CHEK1: variants seen among roughly 807,000 people sequenced by gnomAD.
CHEK1 encodes checkpoint kinase 1.
Under a neutral mutation model 60.2 loss-of-function variants are expected in CHEK1, and 32 were observed. That is an observed-to-expected ratio of 0.53 (90% confidence interval 0.40 to 0.71). CHEK1 has a LOEUF of 0.71. Ranked by LOEUF, CHEK1 falls within the 30% of genes least tolerant of loss-of-function variation. The pLI is 0.00. For synonymous variants in CHEK1, 179 were observed against 187.2 expected (o/e 0.96, Z 0.36); for missense variants, 399 against 564.6 (o/e 0.71, Z 2.97).
downstream of CHEK1, among the ~76,000 whole-genome samples, chr11:125,661,195 T>C (rs1298027617): frequency 6.6e-6 from 1 of 152,244 alleles, no homozygotes; most frequent in South Asian, 2.1e-4. Context: ...TTGATTCCAT[T>C]TGCTTTCACT....
At chr11:125,674,390 A>C (rs1303815939) in intron 13 of CHEK1, among the ~76,000 whole-genome samples, 2 of 152,236 alleles carry the variant, frequency 1.3e-5, no homozygotes, top group Non-Finnish European at 2.9e-5. Context: ...AAGAATTGTT[A>C]GCATTTCGAT....
chr11:125,659,149 T>G (rs899363032), downstream of CHEK1, among the ~76,000 whole-genome samples: 3 of 152,234 alleles, frequency 2.0e-5, no homozygotes, highest in African/African-American at 4.8e-5. Context: ...TTCATTGATA[T>G]CCAATCAAGT....
chr11:125,635,360 A>G, intron 6 of CHEK1, 69 bp from the exon 7 acceptor site: 1 of 967,236 alleles, frequency 1.0e-6, no homozygotes, highest in East Asian at 2.8e-5. Context: ...ATGGATTTAT[A>G]TTATTATTTT....
In CHEK1 at chr11:125,633,275, G is replaced by A. The variant is rs2135990110; in HGVS notation, c.537G>A (p.Leu179=). 1 of 1,607,272 alleles carries A rather than the reference G, an allele frequency of 6.2e-7. No individual in the cohort carries two copies. Among genetic ancestry groups the A allele is most frequent in the Non-Finnish European group, 8.5e-7 (1 of 1,178,120 alleles). ...GTLPYVAPEL[L]KRREFHAEPV... ...TACCATATGTTGCTCCAGAACTTCT[G>A]AAGAGAAGAGAATTTCATGCAGAAC... Residue 179 remains leucine, a synonymous_variant, in exon 6 of 13, where the codon CTG becomes CTA. Coordinates refer to ENST00000438015, the MANE Select transcript of CHEK1 (RefSeq NM_001114122.3).
intron 1 of CHEK1, chr11:125,626,223 C>A (rs775591949): frequency 1.6e-4 from 95 of 580,874 alleles, no homozygotes; most frequent in Non-Finnish European, 2.7e-4. Context: ...TAACCCGCTG[C>A]TAGCTAAGAA....
At chr11:125,632,604 A>G (rs899402762) in intron 5 of CHEK1, among the ~76,000 whole-genome samples, 2 of 152,180 alleles carry the variant, frequency 1.3e-5, no homozygotes, top group African/African-American at 4.8e-5. Context: ...ATGGGAAGTT[A>G]GGGTGGAAGT....
intron 2 of CHEK1, among the ~76,000 whole-genome samples, chr11:125,627,298 G>T (rs1288946370): frequency 1.3e-5 from 2 of 152,178 alleles, no homozygotes; most frequent in African/African-American, 2.4e-5. Context: ...TGGGATTAAT[G>T]CTCTTAAAAG....
At chr11:125,672,719 T>C (rs1942261367) in intron 13 of CHEK1, 1 of 1,614,024 alleles carries the variant, frequency 6.2e-7, no homozygotes, top group Non-Finnish European at 8.5e-7. Flanking sequence ...GTTTTCCACC[T>C]GAAAGGAGCA....
intron 8 of CHEK1, among the ~76,000 whole-genome samples, chr11:125,638,506 A>T (rs1647912237): frequency 6.6e-6 from 1 of 152,170 alleles, no homozygotes. Flanking sequence ...ATGGATAGAA[A>T]AGAGTTAATG....
At position 125,635,320 on chromosome 11, in the gene CHEK1, C is replaced by T. The variant is rs150270497; in HGVS notation, c.614-109C>T. 8.8e-5 allele frequency: 58 copies of T among 655,864 alleles called. 3 individuals carry two copies. The South Asian group carries it at 1.4e-3, about 16-fold the overall frequency. The allele number at this position is 655,864 out of a possible 1,614,324, so 40.6% of individuals were successfully genotyped here. Reference sequence around the variant, plus strand: ...AAGTTGGGATTCTTAGTGTGAAAACCATATTGAATTAATTCAAAGGAAACT... The same window carrying T: ...AAGTTGGGATTCTTAGTGTGAAAACTATATTGAATTAATTCAAAGGAAACT... On this transcript the variant is annotated intron_variant, in intron 6 of 12. Coordinates refer to ENST00000438015, the MANE Select transcript of CHEK1 (RefSeq NM_001114122.3).
chr11:125,638,891 ATGT>A (rs1941176085), intron 8 of CHEK1, among the ~76,000 whole-genome samples: 1 of 152,070 alleles, frequency 6.6e-6, no homozygotes, highest in South Asian at 2.1e-4. Flanking sequence ...TCCTATAGTG[ATGT>A]TGTCTTTGAA....
At chr11:125,678,782 T>C (rs191017549), downstream of CHEK1, among the ~76,000 whole-genome samples, 404 of 151,716 alleles carry the variant, frequency 2.7e-3, 1 homozygote, top group African/African-American at 8.8e-3. Flanking sequence ...GTAACCTAAA[T>C]TAAGGGCGGA....
chr11:125,666,139 G>T (rs1942095186), intron 13 of CHEK1, among the ~76,000 whole-genome samples: 4 of 150,856 alleles, frequency 2.7e-5, no homozygotes, highest in Non-Finnish European at 4.4e-5. Context: ...TATTGCTACA[G>T]ATTTCCTTTT....
chr11:125,674,743 G>T (rs754131267), intron 13 of CHEK1, among the ~76,000 whole-genome samples: 4 of 152,280 alleles, frequency 2.6e-5, no homozygotes, highest in Admixed American at 6.5e-5. Flanking sequence ...CTCCTACTTT[G>T]TGAGGATTAA....
At position 125,625,878 on chromosome 11, in the gene CHEK1, G is replaced by C. The variant is rs561125706; in HGVS notation, c.-155G>C. Reference sequence around the variant, plus strand: ...CTTTTGGAGCCGCCGACATTCAGAGGGGCAGGACACGGGAACGCGCGCTGT... The same window carrying C: ...CTTTTGGAGCCGCCGACATTCAGAGCGGCAGGACACGGGAACGCGCGCTGT... On this transcript the variant is annotated 5_prime_UTR_variant, in exon 1 of 13. Transcript: ENST00000438015. 34 of 702,540 alleles carry C rather than the reference G, an allele frequency of 4.8e-5. No homozygotes were observed. The highest frequency in any genetic ancestry group is 2.3e-4 in the Middle Eastern group (1 of 4,392). 43.5% of individuals were successfully genotyped at this position (702,540 alleles called of 1,614,324 possible).
chr11:125,641,544 A>C (rs1565372594), intron 8 of CHEK1, among the ~76,000 whole-genome samples: 1 of 152,120 alleles, frequency 6.6e-6, no homozygotes, highest in Non-Finnish European at 1.5e-5. Context: ...CTGAAATTTC[A>C]CTTGAATGTT....
At chr11:125,642,582 A>C (rs1250566444) in intron 8 of CHEK1, among the ~76,000 whole-genome samples, 1 of 152,228 alleles carries the variant, frequency 6.6e-6, no homozygotes, top group African/African-American at 2.4e-5. Flanking sequence ...AAACTTAAGC[A>C]TGTTTAAGTG....
intron 6 of CHEK1, among the ~76,000 whole-genome samples, chr11:125,634,204 A>G (rs1043487815): frequency 1.5e-4 from 23 of 152,090 alleles, no homozygotes; most frequent in African/African-American, 5.6e-4. Context: ...CATGTTGGCC[A>G]GACTGGTCTC....
downstream of CHEK1, among the ~76,000 whole-genome samples, chr11:125,661,870 T>A (rs496233): frequency 2.6e-5 from 4 of 152,298 alleles, no homozygotes; most frequent in African/African-American, 7.2e-5. Context: ...ATAGTAGATT[T>A]GCATGTAGTT....
Sources: gnomAD v4.1 joint callset for allele counts (sites outside exome capture counted in the v4.1 genomes callset) on GRCh38, gnomAD v4.1.1 for gene constraint, MANE v1.5 for transcripts, NCBI Gene and HGNC (gene_info 2026-07-23, HGNC 2026-07-21) for gene names.